Variants in TNIK observed in about 807,000 individuals in gnomAD.
TNIK encodes the protein TRAF2 and NCK interacting kinase, also known as TRAF2 and NCK-interacting protein kinase.
TNIK carries 49 observed loss-of-function variants against 191.3 expected under a neutral mutation model. The observed-to-expected ratio is 0.26, with a 90% CI of 0.20 to 0.32. The LOEUF (loss-of-function observed/expected upper bound fraction) is 0.32. TNIK is among the 10% of genes least tolerant of loss of function. The pLI, the probability that TNIK is intolerant of heterozygous loss-of-function variation, is 1.00. For synonymous variants in TNIK, 594 were observed against 600.9 expected, an observed-to-expected ratio of 0.99 and a Z score of 0.17; for missense variants, 1,155 against 1,702.3, an observed-to-expected ratio of 0.68 and a Z score of 5.66.
chr3:171,433,603 T>C lies in TNIK; in HGVS notation c.57+26404A>G, dbSNP rs138205337. On this transcript the variant is annotated intron_variant, in intron 1 of 32. Coordinates refer to ENST00000436636, the MANE Select transcript of TNIK (RefSeq NM_015028.4). Reference sequence around the variant, plus strand: ...ACACAGACATACACACACATGCACATACACGTGTGCAACAAAAACACAAAT... The same window carrying C: ...ACACAGACATACACACACATGCACACACACGTGTGCAACAAAAACACAAAT... 2.4e-3 allele frequency among the ~76,000 whole-genome samples: 367 copies of C among 152,110 alleles called. 3 individuals are homozygous for C. The highest frequency in any genetic ancestry group is 8.0e-3 in the African/African-American group (331 of 41,514).
At chr3:171,161,907 G>A (rs973993477) in intron 10 of TNIK, among the ~76,000 whole-genome samples, 22 of 152,038 alleles carry the variant, frequency 1.4e-4, no homozygotes, top group Admixed American at 1.2e-3. Context: ...GCGACAGAGC[G>A]AGGCCCTGTC....
intron 12 of TNIK, among the ~76,000 whole-genome samples, chr3:171,157,173 C>T (rs914222711): frequency 4.9e-4 from 75 of 152,226 alleles, no homozygotes; most frequent in African/African-American, 1.7e-3. Context: ...GAGGGAGGGA[C>T]TGTGACTTTA....
chr3:171,256,538 A>T (rs1248280682), intron 2 of TNIK, among the ~76,000 whole-genome samples: 2 of 152,222 alleles, frequency 1.3e-5, no homozygotes, highest in African/African-American at 2.4e-5. Context: ...AGTGCTGGCC[A>T]TGAAGAATCA....
chr3:171,123,487 G>A lies in TNIK; in HGVS notation c.2120+109C>T. ...TCAACGTTTATAGTGCACATGGAAA[G>A]TCAACCTGCCTCTGAAGAGAAAAAA... is the stretch of plus-strand genomic sequence containing the variant. On this transcript the variant is annotated intron_variant, in intron 18 of 32. Transcript: ENST00000436636. 4 of 872,902 alleles carry A rather than the reference G, an allele frequency of 4.6e-6. No individual in the cohort carries two copies. The South Asian group carries it at 8.8e-5, about 19-fold the overall frequency. 54.1% of individuals were successfully genotyped at this position (872,902 alleles called of 1,614,324 possible).
intron 2 of TNIK, among the ~76,000 whole-genome samples, chr3:171,328,528 T>C (rs1395210755): frequency 6.6e-6 from 1 of 152,242 alleles, no homozygotes; most frequent in Non-Finnish European, 1.5e-5. Context: ...CTTACCAAAT[T>C]ATTTTAAAGT....
chr3:171,447,645 T>A lies in TNIK; in HGVS notation c.57+12362A>T, dbSNP rs115380795. On this transcript the variant is annotated intron_variant, in intron 1 of 32. Coordinates refer to ENST00000436636, the MANE Select transcript of TNIK (RefSeq NM_015028.4). ...AGAGTCTTATGTGTTCATTTATAAA[T>A]GCTACACACCTACAGCACAAGAAAT... Among the ~76,000 whole-genome samples, 132 of 152,370 alleles carry A rather than the reference T, an allele frequency of 8.7e-4. 1 individual carries two copies. Among genetic ancestry groups the A allele is most frequent in the Non-Finnish European group, 1.6e-3 (110 of 68,032 alleles).
rs184120807 is a variant in TNIK at position 171,406,650 on chromosome 3, C to T, written c.58-36965G>A. On this transcript the variant is annotated intron_variant, in intron 1 of 32. Coordinates refer to ENST00000436636, the MANE Select transcript of TNIK (RefSeq NM_015028.4). Reference sequence around the variant, plus strand: ...GGATCTCACTGTTGCCCAGGCTGGACGTGAAGTCCTGGCCTCAGGTGATCT... The same window carrying T: ...GGATCTCACTGTTGCCCAGGCTGGATGTGAAGTCCTGGCCTCAGGTGATCT... 2.6e-3 allele frequency among the ~76,000 whole-genome samples: 400 copies of T among 152,276 alleles called. 1 individual carries two copies. Among genetic ancestry groups the T allele is most frequent in the African/African-American group, 8.7e-3 (362 of 41,548 alleles).
chr3:171,343,250 A>C (rs531541641), intron 2 of TNIK, among the ~76,000 whole-genome samples: 1 of 152,348 alleles, frequency 6.6e-6, no homozygotes, highest in Non-Finnish European at 1.5e-5. Context: ...CTGCTGCATC[A>C]GCCTCAACAG....
At chr3:171,282,215 A>G (rs1481772006) in intron 2 of TNIK, among the ~76,000 whole-genome samples, 1 of 152,174 alleles carries the variant, frequency 6.6e-6, no homozygotes. Flanking sequence ...AGCGAATCAC[A>G]AAGAGGAGAA....
intron 2 of TNIK, among the ~76,000 whole-genome samples, chr3:171,305,440 G>T (rs183201939): frequency 6.2e-4 from 95 of 152,188 alleles, no homozygotes; most frequent in African/African-American, 2.0e-3. Flanking sequence ...CTACAGGATG[G>T]GAGAAAATAT....
In TNIK at chr3:171,062,165, GTT is replaced by G. The variant is rs1004561186; in HGVS notation, c.*1714_*1715del. 1 of 151,964 alleles carries G rather than the reference GTT, an allele frequency of 6.6e-6. No homozygotes were observed. Among genetic ancestry groups the G allele is most frequent in the Non-Finnish European group, 1.5e-5 (1 of 67,968 alleles). 9.4% of individuals were successfully genotyped at this position (151,964 alleles called of 1,614,324 possible). On this transcript the variant is annotated 3_prime_UTR_variant, in exon 33 of 33. Transcript: ENST00000436636. ...TTTAGGCAAAGTCAGTAAGATCGTA[GTT>G]TTTTTTGTTGTTGTTGTTCCATTTA... is the stretch of plus-strand genomic sequence containing the variant.
At chr3:171,110,917 C>T (rs375997566) in intron 18 of TNIK, 40 bp from the exon 19 acceptor site, 4 of 1,521,926 alleles carry the variant, frequency 2.6e-6, no homozygotes, top group Non-Finnish European at 3.5e-6. Context: ...ACTCTCCAGA[C>T]CTTGCCAGTT....
At chr3:171,409,943 C>T (rs1722167574) in intron 1 of TNIK, among the ~76,000 whole-genome samples, 1 of 151,646 alleles carries the variant, frequency 6.6e-6, no homozygotes, top group Non-Finnish European at 1.5e-5. Flanking sequence ...TTCTTCTGGC[C>T]TATGCAACAC....
chr3:171,248,719 A>C (rs1745893682), intron 2 of TNIK, among the ~76,000 whole-genome samples: 1 of 152,208 alleles, frequency 6.6e-6, no homozygotes, highest in South Asian at 2.1e-4. Flanking sequence ...GTTGTGAATA[A>C]TAAGAGTGGG....
At chr3:171,097,685 C>T (rs1398086416) in intron 22 of TNIK, among the ~76,000 whole-genome samples, 1 of 152,174 alleles carries the variant, frequency 6.6e-6, no homozygotes, top group African/African-American at 2.4e-5. Flanking sequence ...TTGTGAGGCC[C>T]CCCTAGCCAT....
chr3:171,347,438 C>G (rs1306015566), intron 2 of TNIK, among the ~76,000 whole-genome samples: 1 of 101,028 alleles, frequency 9.9e-6, no homozygotes, highest in South Asian at 3.6e-4. Context: ...GAGAAGCCAA[C>G]AGGCTACATT....
At chr3:171,316,936 TTA>T (rs890665748) in intron 2 of TNIK, among the ~76,000 whole-genome samples, 10 of 113,394 alleles carry the variant, frequency 8.8e-5, no homozygotes, top group African/African-American at 2.9e-4. Context: ...AAATATATAA[TTA>T]TATGATATAT....
At chr3:171,148,280 A>G (rs1731916187) in intron 12 of TNIK, among the ~76,000 whole-genome samples, 1 of 152,234 alleles carries the variant, frequency 6.6e-6, no homozygotes, top group Admixed American at 6.5e-5. Context: ...GAGGCATGAC[A>G]GTTCTAAACA....
rs747333992 is a variant in TNIK, at chr3:171,110,734, C to G, written c.2264G>C (p.Ser755Thr). The change falls in exon 19 of 33, where the codon AGT (serine) becomes ACT (threonine). Residue 755 changes from serine (S) to threonine (T), a missense_variant. By Grantham distance (58) the Ser-to-Thr change is moderately conservative. Transcript: ENST00000436636. Reference protein sequence around the residue: ...GSQPGSQAGSSERTRVRANSK... With the variant: ...GSQPGSQAGSTERTRVRANSK... ...TTTACCTCGAACTCTGGTGCGTTCA[C>G]TGGATCCTGCTTGTGATCCAGGCTG... 5 of 1,599,020 alleles carry G rather than the reference C, an allele frequency of 3.1e-6. No individual in the cohort carries two copies. Among genetic ancestry groups the G allele is most frequent in the Admixed American group, 1.7e-5 (1 of 57,964 alleles).
Sources: gnomAD v4.1 joint callset for allele counts (sites outside exome capture counted in the v4.1 genomes callset) on GRCh38, gnomAD v4.1.1 for gene constraint, MANE v1.5 for transcripts, NCBI Gene and HGNC (gene_info 2026-07-23, HGNC 2026-07-21) for gene names.